The following EPB41L4B variants were observed in gnomAD, a reference collection of about 807,000 sequenced individuals.
The protein encoded by EPB41L4B is band 4.1-like protein 4B.
A neutral mutation model predicts 112.5 loss-of-function variants in EPB41L4B; 30 were observed. The ratio of observed to expected loss-of-function variants is 0.27; its 90% CI spans 0.20 to 0.36. The LOEUF is 0.36. EPB41L4B is among the 10% of genes least tolerant of loss of function. EPB41L4B has a pLI of 1.00. For missense variants in EPB41L4B, 1,024 were observed against 1,133.3 expected (o/e 0.90, Z 1.38); for synonymous variants, 408 against 439.7 (o/e 0.93, Z 0.90).
At chr9:109,194,141 C>T (rs1290643187) in intron 21 of EPB41L4B, 79 bp downstream of exon 21, 4 of 1,470,842 alleles carry the variant, frequency 2.7e-6, no homozygotes, top group East Asian at 2.3e-5. Flanking sequence ...TAAATACATG[C>T]ACCAGATGCT....
In EPB41L4B at chr9:109,213,959, T is replaced by C. The variant is rs146927842; in HGVS notation, c.1634-141A>G. ...TCCAGCAGCTCTCATGCCTTCAGTA[T>C]GCATCAGCTGATAGGGTGTGAGAAT... On this transcript the variant is annotated intron_variant, in intron 16 of 25. Coordinates refer to ENST00000374566, the MANE Select transcript of EPB41L4B (RefSeq NM_019114.5). 2.0e-3 allele frequency: 1,351 copies of C among 683,682 alleles called. 15 individuals are homozygous for C. The African/African-American group carries it at 0.022, about 11-fold the overall frequency. 42.4% of individuals were successfully genotyped at this position (683,682 alleles called of 1,614,324 possible).
At chr9:109,243,975 C>T (rs561510382) in intron 14 of EPB41L4B, among the ~76,000 whole-genome samples, 5 of 152,246 alleles carry the variant, frequency 3.3e-5, no homozygotes, top group South Asian at 2.1e-4. Context: ...GGGGGTCGTC[C>T]GGAGTACCAG....
rs752034188 is a variant in EPB41L4B, at chr9:109,255,859, G to T, written c.930-16C>A. 3 of 1,608,596 alleles carry T rather than the reference G, an allele frequency of 1.9e-6. No individual in the cohort carries two copies. ...AATTTTAGGCCTAGTCAGACAGAAA[G>T]CATTTTAAAAGCACAATCTGCAGTA... On this transcript the variant is annotated splice_polypyrimidine_tract_variant and intron_variant, in intron 9 of 25. Transcript: ENST00000374566.
intron 1 of EPB41L4B, among the ~76,000 whole-genome samples, chr9:109,294,441 C>T (rs974241768): frequency 6.6e-6 from 1 of 152,000 alleles, no homozygotes; most frequent in Non-Finnish European, 1.5e-5. Flanking sequence ...ACAGTGAGAC[C>T]TGATCTCTAC....
intron 15 of EPB41L4B, among the ~76,000 whole-genome samples, chr9:109,224,035 A>AAAAATAAAAT (rs566032241): frequency 2.6e-5 from 4 of 151,438 alleles, no homozygotes; most frequent in African/African-American, 9.7e-5. Context: ...AAAATAAAAT[A>AAAAATAAAAT]AAAATAAAAT....
intron 2 of EPB41L4B, among the ~76,000 whole-genome samples, chr9:109,274,096 T>C (rs1479656431): frequency 1.3e-5 from 2 of 152,232 alleles, no homozygotes; most frequent in Admixed American, 6.5e-5. Context: ...TGCCAGATTC[T>C]ATGCTGCAAA....
intron 2 of EPB41L4B, among the ~76,000 whole-genome samples, chr9:109,276,947 G>T (rs1296159589): frequency 6.6e-6 from 1 of 152,202 alleles, no homozygotes; most frequent in Non-Finnish European, 1.5e-5. Flanking sequence ...CATTAGAAGT[G>T]TAAGTTTTCT....
chr9:109,316,084 A>T (rs12005871), intron 1 of EPB41L4B, among the ~76,000 whole-genome samples: 39,696 of 152,102 alleles, frequency 0.26, 8,314 homozygotes, highest in African/African-American at 0.58. Flanking sequence ...TCCTCCCAAC[A>T]TCCCCATTTG....
intron 24 of EPB41L4B, among the ~76,000 whole-genome samples, chr9:109,177,518 G>A (rs1373869050): frequency 6.6e-6 from 1 of 152,072 alleles, no homozygotes; most frequent in African/African-American, 2.4e-5. Context: ...AGAAAGCTTA[G>A]AAGATATATA....
At chr9:109,224,369 G>T (rs1366581648) in intron 15 of EPB41L4B, among the ~76,000 whole-genome samples, 2 of 152,202 alleles carry the variant, frequency 1.3e-5, no homozygotes, top group Non-Finnish European at 2.9e-5. Context: ...AAAAGGGAAT[G>T]AAATATTGAG....
intron 3 of EPB41L4B, among the ~76,000 whole-genome samples, chr9:109,268,127 C>CAGGTTA (rs1317261569): frequency 6.6e-6 from 1 of 152,174 alleles, no homozygotes; most frequent in African/African-American, 2.4e-5. Flanking sequence ...TTCTGAATAG[C>CAGGTTA]AGGTTAATCA....
intron 1 of EPB41L4B, among the ~76,000 whole-genome samples, chr9:109,281,937 C>T (rs956711339): frequency 1.3e-5 from 2 of 152,088 alleles, no homozygotes; most frequent in Non-Finnish European, 2.9e-5. Flanking sequence ...AAAACTTGTA[C>T]ACAAATGCTC....
intron 13 of EPB41L4B, among the ~76,000 whole-genome samples, chr9:109,250,701 T>A (rs1834753568): frequency 6.6e-6 from 1 of 152,150 alleles, no homozygotes; most frequent in Non-Finnish European, 1.5e-5. Context: ...GCCTGGGGTG[T>A]GGCTGCGGAG....
chr9:109,255,605 C>T lies in EPB41L4B; in HGVS notation c.1075G>A (p.Val359Ile), dbSNP rs758960780. The T allele has an allele frequency of 2.5e-6, 4 of 1,614,206 alleles. No homozygotes were observed. In the East Asian group the frequency reaches 8.9e-5, roughly 36 times the overall value. The change falls in exon 11 of 26, where the codon GTT (valine) becomes ATT (isoleucine). Residue 359 changes from valine (V) to isoleucine (I), a missense_variant. Transcript: ENST00000374566. ...RTCKHLWKCA[V>I]EHHAFFRLRT... ...AGTCGGAAGAATGCGTGGTGCTCAACTGCACACTTCCAAAGGTGTTTGCAG... is the reference window on the plus strand; with the variant it reads ...AGTCGGAAGAATGCGTGGTGCTCAATTGCACACTTCCAAAGGTGTTTGCAG...
intron 2 of EPB41L4B, among the ~76,000 whole-genome samples, chr9:109,268,664 C>T (rs191906803): frequency 4.0e-4 from 61 of 151,966 alleles, no homozygotes; most frequent in African/African-American, 1.4e-3. Context: ...TTTGGGAGGC[C>T]GAGGCGGGCG....
chr9:109,205,059 A>G (rs982377972), intron 18 of EPB41L4B, among the ~76,000 whole-genome samples: 2 of 152,180 alleles, frequency 1.3e-5, no homozygotes, highest in Non-Finnish European at 2.9e-5. Flanking sequence ...ATGGCCAGTT[A>G]GGTGTGAAAG....
chr9:109,198,414 A>C (rs1400507679), intron 20 of EPB41L4B, among the ~76,000 whole-genome samples: 1 of 152,096 alleles, frequency 6.6e-6, no homozygotes, highest in African/African-American at 2.4e-5. Context: ...TATCTCATCC[A>C]TTTTACAGAG....
At chr9:109,286,185 A>ATGGATGGG (rs1836272247) in intron 1 of EPB41L4B, among the ~76,000 whole-genome samples, 4 of 150,306 alleles carry the variant, frequency 2.7e-5, no homozygotes, top group African/African-American at 7.4e-5. Context: ...GGATGGATGG[A>ATGGATGGG]TGGATGGGTG....
At chr9:109,290,597 C>A (rs1836486498) in intron 1 of EPB41L4B, among the ~76,000 whole-genome samples, 1 of 152,020 alleles carries the variant, frequency 6.6e-6, no homozygotes, top group Non-Finnish European at 1.5e-5. Flanking sequence ...AAGGCACCAA[C>A]CTCAAGGCCT....
Sources: gnomAD v4.1 joint callset for allele counts (sites outside exome capture counted in the v4.1 genomes callset) on GRCh38, gnomAD v4.1.1 for gene constraint, MANE v1.5 for transcripts, NCBI Gene and HGNC (gene_info 2026-07-23, HGNC 2026-07-21) for gene names.